Variants in NDRG4 observed in about 807,000 individuals in gnomAD.
NDRG4 encodes the protein NDRG family member 4.
In NDRG4, 38 loss-of-function variants were observed where a neutral mutation model predicts 55.8. The ratio of observed to expected loss-of-function variants is 0.68; its 90% CI spans 0.53 to 0.89. The LOEUF (loss-of-function observed/expected upper bound fraction) is 0.89, where lower values mean the gene tolerates loss of function less well. NDRG4 is among the 40% of genes least tolerant of loss of function. NDRG4 has a pLI of 0.00. For synonymous variants in NDRG4, 190 were observed against 182.7 expected, an observed-to-expected ratio of 1.04 and a Z score of -0.32; for missense variants, 455 against 468.6, an observed-to-expected ratio of 0.97 and a Z score of 0.27.
intron 2 of NDRG4, among the ~76,000 whole-genome samples, chr16:58,492,553 A>T (rs202066689): frequency 1.1e-4 from 14 of 124,136 alleles, no homozygotes; most frequent in East Asian, 2.5e-4. Context: ...TGTGTGTGTG[A>T]GAGACAGACA....
intron 1 of NDRG4, chr16:58,500,850 C>T (rs1385537481): frequency 6.2e-6 from 3 of 483,094 alleles, no homozygotes; most frequent in Non-Finnish European, 1.0e-5. Flanking sequence ...TAGGAGCCAC[C>T]TCACAGTTCC....
chr16:58,506,133 C>CGTGTGTGTGTGTGGGTGT, intron 5 of NDRG4: 1 of 539,520 alleles, frequency 1.9e-6, no homozygotes, highest in African/African-American at 2.2e-5. Flanking sequence ...GTTGAAAGAG[C>CGTGTGTGTGTGTGGGTGT]GTGTGTGTGT....
intron 1 of NDRG4, among the ~76,000 whole-genome samples, chr16:58,481,852 A>C (rs115050685): frequency 0.029 from 4,349 of 152,228 alleles, 206 homozygotes; most frequent in African/African-American, 0.099. Flanking sequence ...CAGGATAAGG[A>C]CAGGGAGAGA....
chr16:58,514,501 C>A (rs2039056830), downstream of NDRG4, among the ~76,000 whole-genome samples: 1 of 152,094 alleles, frequency 6.6e-6, no homozygotes, highest in African/African-American at 2.4e-5. Flanking sequence ...CTCTGGGAGG[C>A]CGAGGCGGGG....
At chr16:58,504,769 C>T (rs763134720) in intron 5 of NDRG4, 120 bp downstream of exon 5, 71 of 965,652 alleles carry the variant, frequency 7.4e-5, no homozygotes, top group Middle Eastern at 4.8e-4. Context: ...GCTTCTCCTC[C>T]TCCCACCTCC....
intron 1 of NDRG4, among the ~76,000 whole-genome samples, chr16:58,478,372 A>G (rs2033963100): frequency 6.8e-6 from 1 of 146,506 alleles, no homozygotes; most frequent in African/African-American, 2.5e-5. Flanking sequence ...CTGGGCGACA[A>G]TATGAGACTC....
intron 2 of NDRG4, among the ~76,000 whole-genome samples, chr16:58,492,828 A>G (rs1468947239): frequency 6.6e-6 from 1 of 152,006 alleles, no homozygotes; most frequent in East Asian, 1.9e-4. Flanking sequence ...CCGCTTGTGC[A>G]AGGTCTTTGA....
At chr16:58,511,255 C>T in intron 14 of NDRG4, 167 bp from the exon 15 acceptor site, 1 of 760,610 alleles carries the variant, frequency 1.3e-6, no homozygotes. Context: ...GTCGCCGGCC[C>T]TGCATGCCCC....
In NDRG4 at chr16:58,504,208, A is replaced by G. The variant is rs373066270; in HGVS notation, c.182A>G (p.Lys61Arg). 6.8e-6 allele frequency: 11 copies of G among 1,614,050 alleles called. No homozygotes were observed. In the African/African-American group the frequency reaches 1.1e-4, roughly 16 times the overall value. The change falls in exon 3 of 15, where the codon AAG becomes AGG. Residue 61 changes from lysine (K) to arginine (R), a missense_variant. Coordinates refer to ENST00000570248, the MANE Select transcript of NDRG4 (RefSeq NM_001242835.2). ...FNFEDMQEIT[K>R]HFVVCHVDAP... Reference sequence around the variant, plus strand: ...TTCGAGGACATGCAGGAGATCACCAAGCACTTTGTGGTGTGTCACGTGGAT... The same window carrying G: ...TTCGAGGACATGCAGGAGATCACCAGGCACTTTGTGGTGTGTCACGTGGAT...
intron 4 of NDRG4, 37 bp downstream of exon 4, chr16:58,504,458 G>A (rs996013128): frequency 1.9e-6 from 3 of 1,612,504 alleles, no homozygotes; most frequent in Non-Finnish European, 2.5e-6. Context: ...AGGGCCCAGG[G>A]GTGCCTACCC....
intron 1 of NDRG4, among the ~76,000 whole-genome samples, chr16:58,487,073 C>T (rs1348068819): frequency 6.6e-6 from 1 of 152,118 alleles, no homozygotes; most frequent in Non-Finnish European, 1.5e-5. Flanking sequence ...CACCAGAGGC[C>T]CTCGGCAGGG....
intron 1 of NDRG4, among the ~76,000 whole-genome samples, chr16:58,468,980 T>G (rs1474905038): frequency 6.6e-6 from 1 of 152,220 alleles, no homozygotes; most frequent in African/African-American, 2.4e-5. Context: ...ATGGCAGATT[T>G]GGGCTCTGAA....
At chr16:58,470,075 G>T (rs2032480522) in intron 1 of NDRG4, among the ~76,000 whole-genome samples, 2 of 152,202 alleles carry the variant, frequency 1.3e-5, no homozygotes, top group Admixed American at 1.3e-4. Flanking sequence ...ATTAACAGTG[G>T]CTTCTTCTGT....
intron 1 of NDRG4, among the ~76,000 whole-genome samples, chr16:58,470,698 G>A (rs2032601052): frequency 6.6e-6 from 1 of 152,052 alleles, no homozygotes; most frequent in Non-Finnish European, 1.5e-5. Context: ...CCTGAGGTCA[G>A]GAGTTCAAGA....
upstream of NDRG4, chr16:58,499,272 G>C (rs536763641): frequency 6.6e-6 from 1 of 152,332 alleles, no homozygotes; most frequent in Non-Finnish European, 1.5e-5. Context: ...CTCTGGGAAC[G>C]AGGGCCGGGT....
intron 1 of NDRG4, among the ~76,000 whole-genome samples, chr16:58,465,497 T>G (rs1188653611): frequency 6.7e-6 from 1 of 148,568 alleles, no homozygotes; most frequent in Non-Finnish European, 1.5e-5. Flanking sequence ...TGAGAGAGGC[T>G]TGTTCGGGGA....
chr16:58,501,041 G>T (rs956387867), intron 1 of NDRG4: 6 of 1,241,590 alleles, frequency 4.8e-6, no homozygotes, highest in Non-Finnish European at 6.0e-6. Flanking sequence ...GGGACCCCAG[G>T]TGGAGCCCAG....
At chr16:58,495,025 A>C in intron 3 of NDRG4, 2 of 1,612,142 alleles carry the variant, frequency 1.2e-6, no homozygotes, top group Non-Finnish European at 1.7e-6. Flanking sequence ...CAAGGCTCAG[A>C]CCCCCAAGAT....
At chr16:58,483,675 C>G (rs955130108) in intron 1 of NDRG4, among the ~76,000 whole-genome samples, 4 of 152,220 alleles carry the variant, frequency 2.6e-5, no homozygotes, top group Non-Finnish European at 5.9e-5. Flanking sequence ...CAAAAAACTC[C>G]AAAGTTATCT....
Sources: gnomAD v4.1 joint callset for allele counts (sites outside exome capture counted in the v4.1 genomes callset) on GRCh38, gnomAD v4.1.1 for gene constraint, MANE v1.5 for transcripts, NCBI Gene and HGNC (gene_info 2026-07-23, HGNC 2026-07-21) for gene names.